PI4KA: variants seen among roughly 807,000 people sequenced by gnomAD.
The protein encoded by PI4KA is PI4-kinase alpha.
Under a neutral mutation model 271.4 loss-of-function variants are expected in PI4KA, and 122 were observed. The observed-to-expected ratio is 0.45, with a 90% CI of 0.39 to 0.52. PI4KA has a LOEUF of 0.52. Ranked by LOEUF, PI4KA falls within the 20% of genes least tolerant of loss-of-function variation. The pLI is 0.00. For missense variants in PI4KA, 1,969 were observed against 2,769.1 expected (o/e 0.71, Z 6.48); for synonymous variants, 1,041 against 1,078.8 (o/e 0.96, Z 0.69).
chr22:20,729,445 A>G lies in PI4KA; in HGVS notation c.4550T>C (p.Leu1517Pro), dbSNP rs1358040793. ...YNPLSAPELELDQAGENSVAN... is the reference protein window; with the variant it reads ...YNPLSAPELEPDQAGENSVAN... ...CACGCTGTTCTCTCCGGCCTGGTCT[A>G]GTTCCAGTTCCGGGGCTGACAGCGG... The change falls in exon 39 of 55, where the codon CTA (leucine) becomes CCA (proline). Residue 1517 changes from leucine (L) to proline (P), a missense_variant. Leu to Pro is a moderately conservative substitution (Grantham distance 98, BLOSUM62 -3). Transcript: ENST00000255882. 1 of 1,612,108 alleles carries G rather than the reference A, an allele frequency of 6.2e-7. No homozygotes were observed. Among genetic ancestry groups the G allele is most frequent in the Non-Finnish European group, 8.5e-7 (1 of 1,179,012 alleles).
intron 12 of PI4KA, among the ~76,000 whole-genome samples, chr22:20,803,906 G>A (rs187352245): frequency 6.6e-6 from 1 of 152,218 alleles, no homozygotes; most frequent in Admixed American, 6.5e-5. Flanking sequence ...AACAATGGCA[G>A]GTGTGGAGTC....
intron 42 of PI4KA, chr22:20,721,646 G>C: frequency 3.8e-6 from 2 of 528,880 alleles, no homozygotes; most frequent in Non-Finnish European, 6.9e-6. Context: ...CAAAGCGGGC[G>C]ACAGTCAGCC....
At chr22:20,821,774 A>C (rs2147704198) in intron 4 of PI4KA, among the ~76,000 whole-genome samples, 1 of 151,846 alleles carries the variant, frequency 6.6e-6, no homozygotes, top group South Asian at 2.1e-4. Flanking sequence ...TATTTTTAGT[A>C]GAGACGGGGT....
intron 23 of PI4KA, among the ~76,000 whole-genome samples, chr22:20,755,622 G>GT (rs1309761191): frequency 2.0e-5 from 3 of 152,038 alleles, no homozygotes; most frequent in Non-Finnish European, 4.4e-5. Flanking sequence ...CCAACATGGT[G>GT]AAACCCCGTC....
At position 20,858,736 on chromosome 22, in the gene PI4KA, G is replaced by T. The variant is rs906356422; in HGVS notation, c.-11C>A. 7.2e-7 allele frequency: 1 copy of T among 1,383,800 alleles called. No homozygotes were observed. Among genetic ancestry groups the T allele is most frequent in the Non-Finnish European group, 9.4e-7 (1 of 1,068,658 alleles). The allele number at this position is 1,383,800 out of a possible 1,614,324, so 85.7% of individuals were successfully genotyped here. On this transcript the variant is annotated 5_prime_UTR_variant, in exon 1 of 55. Transcript: ENST00000255882. ...CGGGGCCGCCGCCATCACCTCACGAGCCGCGGCGCTGCCCGCCGGCTCCCC... is the reference window on the plus strand; with the variant it reads ...CGGGGCCGCCGCCATCACCTCACGATCCGCGGCGCTGCCCGCCGGCTCCCC...
intron 3 of PI4KA, among the ~76,000 whole-genome samples, chr22:20,827,673 T>C (rs1044651935): frequency 1.3e-5 from 2 of 152,236 alleles, no homozygotes; most frequent in Non-Finnish European, 2.9e-5. Context: ...TGATTCTTCC[T>C]ATCTATGAGC....
chr22:20,724,150 A>ATT (rs1927072036), intron 42 of PI4KA, among the ~76,000 whole-genome samples: 1 of 151,510 alleles, frequency 6.6e-6, no homozygotes, highest in Admixed American at 6.6e-5. Flanking sequence ...TAATTAATTA[A>ATT]AATAATTAAC....
At chr22:20,733,207 G>T (rs1293892202) in intron 35 of PI4KA, 109 bp from the exon 36 acceptor site, 6 of 1,286,096 alleles carry the variant, frequency 4.7e-6, no homozygotes, top group Non-Finnish European at 5.6e-6. Context: ...AATGACAAAA[G>T]GTCAGCCCAA....
In PI4KA at chr22:20,752,799, C is replaced by A. The variant is rs945685073; in HGVS notation, c.2987+104G>T. ...CCCTTAGGAGTTTTCATTCTGACTC[C>A]ATTTTTTCCTAGATTAATAATATAA... On this transcript the variant is annotated intron_variant, in intron 25 of 54. Coordinates refer to ENST00000255882, the MANE Select transcript of PI4KA (RefSeq NM_058004.4). 6 of 1,254,600 alleles carry A rather than the reference C, an allele frequency of 4.8e-6. No homozygotes were observed. The Admixed American group carries it at 1.1e-4, about 23-fold the overall frequency. The allele number at this position is 1,254,600 out of a possible 1,614,324, so 77.7% of individuals were successfully genotyped here. A position where few individuals can be genotyped will look rare whatever the true frequency, so the allele number is the denominator to read the frequency against.
At chr22:20,840,756 C>T (rs1925445581) in intron 1 of PI4KA, among the ~76,000 whole-genome samples, 1 of 152,178 alleles carries the variant, frequency 6.6e-6, no homozygotes, top group African/African-American at 2.4e-5. Flanking sequence ...AGGCTCATGC[C>T]TGTAATCCCA....
chr22:20,739,200 GC>G (rs1444679546), intron 32 of PI4KA, among the ~76,000 whole-genome samples: 1 of 121,620 alleles, frequency 8.2e-6, no homozygotes, highest in Non-Finnish European at 1.7e-5. Context: ...CAAAAAATTA[GC>G]CGGGCGTGGT....
chr22:20,842,767 T>C (rs567921613), intron 1 of PI4KA, among the ~76,000 whole-genome samples: 1 of 149,128 alleles, frequency 6.7e-6, no homozygotes, highest in East Asian at 2.0e-4. Context: ...GAGCCGAGAT[T>C]GTGCCACTGC....
intron 19 of PI4KA, among the ~76,000 whole-genome samples, chr22:20,781,745 T>A (rs548199170): frequency 6.6e-6 from 1 of 152,246 alleles, no homozygotes; most frequent in Non-Finnish European, 1.5e-5. Context: ...TGAACACACA[T>A]ATCCTTTTCA....
chr22:20,780,083 C>T, intron 19 of PI4KA: 1 of 1,614,136 alleles, frequency 6.2e-7, no homozygotes, highest in Non-Finnish European at 8.5e-7. Context: ...CAGACCCTGC[C>T]TTCATATCAA....
intron 23 of PI4KA, among the ~76,000 whole-genome samples, chr22:20,759,164 A>G (rs528974868): frequency 1.2e-3 from 189 of 152,220 alleles, no homozygotes; most frequent in African/African-American, 4.2e-3. Flanking sequence ...CCCCTGCCTC[A>G]GCCCCCAGAC....
In PI4KA at chr22:20,838,704, C is replaced by T. The variant is rs1338919763; in HGVS notation, c.184G>A (p.Val62Met). Reference protein sequence around the residue: ...KVQKLLCMCPVDFHGIFQLDE... With the variant: ...KVQKLLCMCPMDFHGIFQLDE... ...AACTGGAAGATCCCATGGAAATCCACTGGACACATGCAAAGAAGCTTTTGG... is the reference window on the plus strand; with the variant it reads ...AACTGGAAGATCCCATGGAAATCCATTGGACACATGCAAAGAAGCTTTTGG... Residue 62 changes from valine (V) to methionine (M), a missense_variant, in exon 2 of 55, where the codon GTG becomes ATG. By Grantham distance (21) the Val-to-Met change is conservative (BLOSUM62 1). Around this residue, in one of 13 missense-constraint regions of PI4KA, gnomAD observed 540 missense variants for 555.5 expected, o/e 0.97. Transcript: ENST00000255882. 4 of 1,612,556 alleles carry T rather than the reference C, an allele frequency of 2.5e-6. No individual in the cohort carries two copies. The highest frequency in any genetic ancestry group is 2.5e-6 in the Non-Finnish European group (3 of 1,178,720).
chr22:20,729,521 CA>C lies in PI4KA; in HGVS notation c.4489-16del. ...ATCTCAGTGGCCTGGCAAGATAAGA[CA>C]TAAGGCCTGATATGCACCCCTTCTG... On this transcript the variant is annotated splice_polypyrimidine_tract_variant and intron_variant, in intron 38 of 54. Transcript: ENST00000255882. 1.9e-6 allele frequency: 3 copies of C among 1,570,640 alleles called. No homozygotes were observed. Among genetic ancestry groups the C allele is most frequent in the Non-Finnish European group, 2.6e-6 (3 of 1,156,918 alleles).
chr22:20,752,411 CT>C (rs1483346947), intron 25 of PI4KA, among the ~76,000 whole-genome samples: 1 of 152,236 alleles, frequency 6.6e-6, no homozygotes, highest in East Asian at 1.9e-4. Flanking sequence ...TGCCTCTGGC[CT>C]TCTCACCTTG....
At chr22:20,767,224 C>T (rs527985213) in intron 19 of PI4KA, among the ~76,000 whole-genome samples, 137 of 152,196 alleles carry the variant, frequency 9.0e-4, no homozygotes, top group Middle Eastern at 3.4e-3. Flanking sequence ...AGGTGGATCA[C>T]GAGGTCAGGA....
Sources: allele counts gnomAD v4.1 joint callset (sites outside exome capture counted in the v4.1 genomes callset), GRCh38; gene constraint gnomAD v4.1.1; regional missense constraint gnomAD v4.1.1; transcripts MANE v1.5; gene names NCBI Gene and HGNC (gene_info 2026-07-23, HGNC 2026-07-21).